CHERP: variants seen among roughly 807,000 people sequenced by gnomAD.
CHERP encodes the protein calcium homeostasis endoplasmic reticulum protein.
CHERP carries 8 observed loss-of-function variants against 113.8 expected under a neutral mutation model. The ratio of observed to expected loss-of-function variants is 0.07; its 90% CI spans 0.04 to 0.13. CHERP has a LOEUF of 0.13. CHERP is among the 10% of genes least tolerant of loss of function. CHERP has a pLI of 1.00. For synonymous variants in CHERP, 559 were observed against 524.5 expected (o/e 1.07, Z -0.90); for missense variants, 884 against 1,298.2 (o/e 0.68, Z 4.90).
rs890219552 is a variant in CHERP, at chr19:16,532,822, G to A, written c.523-73C>T. ...AGGCACCCACTGCATCCCTGAGAGC[G>A]CGTCACCATCAGCTCAGGGAAGGAC... On this transcript the variant is annotated intron_variant, in intron 4 of 16. Coordinates refer to ENST00000546361, the MANE Select transcript of CHERP (RefSeq NM_006387.6). The surrounding 1 kb of genome is among the most constrained non-coding windows in gnomAD (Gnocchi z 4.4). The A allele has an allele frequency of 2.2e-5, 34 of 1,560,390 alleles. No individual in the cohort carries two copies. Among genetic ancestry groups the A allele is most frequent in the Non-Finnish European group, 2.8e-5 (32 of 1,148,040 alleles).
At chr19:16,534,104 A>G (rs1028023385) in intron 3 of CHERP, among the ~76,000 whole-genome samples, 17 of 150,828 alleles carry the variant, frequency 1.1e-4, no homozygotes, top group African/African-American at 4.2e-4. Flanking sequence ...CCCAGGCTGA[A>G]GTGCAATGGC....
At chr19:16,527,998 C>T (rs986881146) in intron 9 of CHERP, 82 bp downstream of exon 9, 84 of 1,374,072 alleles carry the variant, frequency 6.1e-5, no homozygotes, top group African/African-American at 3.0e-4. Flanking sequence ...AGCCACTCAA[C>T]GCCCACCAAC....
In CHERP at chr19:16,519,744, A is replaced by G. The variant is rs183145767; in HGVS notation, c.2463-29T>C. 42 of 1,561,348 alleles carry G rather than the reference A, an allele frequency of 2.7e-5. No homozygotes were observed. The East Asian group carries it at 7.4e-4, about 27-fold the overall frequency. On this transcript the variant is annotated intron_variant, in intron 15 of 16. Transcript: ENST00000546361. This position sits in a 1 kb window ranked among gnomAD's most constrained non-coding sequence, Gnocchi z 6.0. Reference sequence around the variant, plus strand: ...AAATCGAGACAGGTTATTCTTTTTAAGAAGTAACTGAGACATTTATTGGAA... The same window carrying G: ...AAATCGAGACAGGTTATTCTTTTTAGGAAGTAACTGAGACATTTATTGGAA...
intron 9 of CHERP, among the ~76,000 whole-genome samples, chr19:16,526,002 G>A (rs1034081185): frequency 6.6e-6 from 1 of 152,210 alleles, no homozygotes; most frequent in Non-Finnish European, 1.5e-5. Flanking sequence ...CCAGACAAAC[G>A]CCAGCTCCCT....
chr19:16,522,611 A>G (rs1452626947), intron 11 of CHERP, among the ~76,000 whole-genome samples: 1 of 151,780 alleles, frequency 6.6e-6, no homozygotes, highest in Non-Finnish European at 1.5e-5. Context: ...GCCATCCCAC[A>G]GTGGTACCAG....
At position 16,537,391 on chromosome 19, in the gene CHERP, A is replaced by G. The variant is rs1031466417; in HGVS notation, c.200-1755T>C. The stretch of plus-strand genomic sequence containing the variant: ...CTCTACGCAACCGCCGGGCAACATG[A>G]GCTACTCATTCCTGTGGCTGCGATT... On this transcript the variant is annotated intron_variant, in intron 2 of 16. Transcript: ENST00000546361. 2.0e-5 allele frequency among the ~76,000 whole-genome samples: 3 copies of G among 151,938 alleles called. No individual in the cohort carries two copies. The East Asian group carries it at 5.8e-4, about 29-fold the overall frequency.
Position 16,541,955 on chromosome 19 carries a change from C to T in CHERP, c.114G>A (p.Gln38=). 1 of 1,614,200 alleles carries T rather than the reference C, an allele frequency of 6.2e-7. No homozygotes were observed. Among genetic ancestry groups the T allele is most frequent in the Non-Finnish European group, 8.5e-7 (1 of 1,180,026 alleles). Residue 38 remains glutamine (Q), a synonymous_variant, in exon 2 of 17, where the codon CAG becomes CAA. Transcript: ENST00000546361. ...PEFEKMTMEK[Q]KDNPKFSFLF... Reference sequence around the variant, plus strand: ...GAAACGAGAATTTGGGGTTGTCCTTCTGCTTCTCCATAGTCATCTTCTCAA... The same window carrying T: ...GAAACGAGAATTTGGGGTTGTCCTTTTGCTTCTCCATAGTCATCTTCTCAA...
At chr19:16,541,770 A>G in intron 2 of CHERP, 100 bp downstream of exon 2, 1 of 1,300,578 alleles carries the variant, frequency 7.7e-7, no homozygotes, top group Non-Finnish European at 1.1e-6. Context: ...CACTTCAAAG[A>G]ATAAACGACC....
At chr19:16,527,131 C>T (rs892909386) in intron 9 of CHERP, among the ~76,000 whole-genome samples, 10 of 152,180 alleles carry the variant, frequency 6.6e-5, no homozygotes, top group Admixed American at 1.3e-4. Flanking sequence ...CAGTGAGGGG[C>T]GTGCCCATTG....
chr19:16,521,469 C>T (rs922786783), intron 12 of CHERP, 52 bp downstream of exon 12: 30 of 1,475,260 alleles, frequency 2.0e-5, no homozygotes, highest in Admixed American at 4.8e-5. Context: ...TGCAGGGAGC[C>T]GGGAGAGGGG....
chr19:16,521,342 C>G, intron 12 of CHERP, 179 bp downstream of exon 12: 3 of 600,610 alleles, frequency 5.0e-6, no homozygotes. Context: ...TTAAAACGCC[C>G]TTCATTGAGG....
intron 2 of CHERP, among the ~76,000 whole-genome samples, chr19:16,536,705 G>A (rs1016600050): frequency 2.6e-5 from 4 of 151,974 alleles, no homozygotes; most frequent in Non-Finnish European, 4.4e-5. Flanking sequence ...CTCTTTACCC[G>A]TCCCTCCCCA....
chr19:16,522,946 G>A (rs1046136631), intron 11 of CHERP, 106 bp downstream of exon 11: 5 of 1,327,444 alleles, frequency 3.8e-6, no homozygotes, highest in Admixed American at 2.8e-5. Context: ...GGGAGATGAA[G>A]GGGAGCCCCG....
At chr19:16,522,973 G>A (rs1336763760) in intron 11 of CHERP, 79 bp downstream of exon 11, 28 of 1,450,166 alleles carry the variant, frequency 1.9e-5, no homozygotes, top group Non-Finnish European at 1.9e-5. Flanking sequence ...ACCCGGTCCC[G>A]TGCATTCACT....
In CHERP at chr19:16,530,002, TG is replaced by T; in HGVS notation, c.877-103del. The T allele has an allele frequency of 7.0e-7, 1 of 1,437,122 alleles. No individual in the cohort carries two copies. Among genetic ancestry groups the T allele is most frequent in the Non-Finnish European group, 9.3e-7 (1 of 1,072,196 alleles). 89.0% of individuals were successfully genotyped at this position (1,437,122 alleles called of 1,614,324 possible). A position where few individuals can be genotyped will look rare whatever the true frequency, so the allele number is the denominator to read the frequency against. ...GGAAAGCAGCAGAGCCTGGGGGACC[TG>T]GGGCAGGTGGACAGGGAACCGTCAC... On this transcript the variant is annotated intron_variant, in intron 7 of 16. Transcript: ENST00000546361. The surrounding 1 kb of genome is among the most constrained non-coding windows in gnomAD (Gnocchi z 4.1).
intron 2 of CHERP, 117 bp downstream of exon 2, chr19:16,541,753 G>T: frequency 9.4e-7 from 1 of 1,066,666 alleles, no homozygotes; most frequent in Non-Finnish European, 1.4e-6. Flanking sequence ...TGTGGACCGA[G>T]CTGCTCCACT....
In CHERP at chr19:16,534,052, C is replaced by CTTTTTTTTTTTTT. The variant is rs200659711; in HGVS notation, c.385-905_385-904insAAAAAAAAAAAAA. ...GGTGAGCATTCTGGAACTTTCTTTT[C>CTTTTTTTTTTTTT]TTTTCTTTTTTTTTTTTTTGAGATG... On this transcript the variant is annotated intron_variant, in intron 3 of 16. Coordinates refer to ENST00000546361, the MANE Select transcript of CHERP (RefSeq NM_006387.6). Among the ~76,000 whole-genome samples, 3 of 133,824 alleles carry CTTTTTTTTTTTTT rather than the reference C, an allele frequency of 2.2e-5. 1 individual carries two copies. The highest frequency in any genetic ancestry group is 1.6e-5 in the Non-Finnish European group (1 of 64,112). The allele number at this position is 133,824 out of a possible 152,430, so 87.8% of individuals were successfully genotyped here. A position where few individuals can be genotyped will look rare whatever the true frequency, so the allele number is the denominator to read the frequency against.
At position 16,523,648 on chromosome 19, in the gene CHERP, C is replaced by A. The variant is rs1352825725; in HGVS notation, c.1742-358G>T. Among the ~76,000 whole-genome samples, 1 of 152,154 alleles carries A rather than the reference C, an allele frequency of 6.6e-6. No homozygotes were observed. The highest frequency in any genetic ancestry group is 2.4e-5 in the African/African-American group (1 of 41,438). The stretch of plus-strand genomic sequence containing the variant: ...TTTGGAGACAGAGCCTTCAAAGACA[C>A]AAATGAGTTAAAATGAAGCCATAGT... On this transcript the variant is annotated intron_variant, in intron 10 of 16. Coordinates refer to ENST00000546361, the MANE Select transcript of CHERP (RefSeq NM_006387.6). This position sits in a 1 kb window ranked among gnomAD's most constrained non-coding sequence, Gnocchi z 4.0.
chr19:16,519,560 G>C lies in CHERP; in HGVS notation c.2557+61C>G. The C allele has an allele frequency of 2.8e-6, 4 of 1,452,634 alleles. No homozygotes were observed. Among genetic ancestry groups the C allele is most frequent in the Non-Finnish European group, 3.9e-6 (4 of 1,035,172 alleles). 90.0% of individuals were successfully genotyped at this position (1,452,634 alleles called of 1,614,324 possible). A position where few individuals can be genotyped will look rare whatever the true frequency, so the allele number is the denominator to read the frequency against. On this transcript the variant is annotated intron_variant, in intron 16 of 16. Coordinates refer to ENST00000546361, the MANE Select transcript of CHERP (RefSeq NM_006387.6). The surrounding 1 kb of genome is among the most constrained non-coding windows in gnomAD (Gnocchi z 6.0). The stretch of plus-strand genomic sequence containing the variant: ...GCACTGAGGAAGAGAAAGCGCTGGT[G>C]ACTCCCGGGCCCAGCACGCGTGAGG...
Sources: gnomAD v4.1 joint callset for allele counts (sites outside exome capture counted in the v4.1 genomes callset) on GRCh38, gnomAD v4.1.1 for gene constraint, Gnocchi (gnomAD v3.1) non-coding constraint, MANE v1.5 for transcripts, NCBI Gene and HGNC (gene_info 2026-07-23, HGNC 2026-07-21) for gene names.